HOOK3: variants seen among roughly 807,000 people sequenced by gnomAD.
HOOK3 encodes hook microtubule tethering protein 3.
Under a neutral mutation model 116.3 loss-of-function variants are expected in HOOK3, and 24 were observed. The ratio of observed to expected loss-of-function variants is 0.21; its 90% CI spans 0.15 to 0.29. HOOK3 has a LOEUF of 0.29. Among genes scored for constraint, HOOK3 ranks in the 10% least tolerant of loss-of-function variants. HOOK3 has a pLI of 1.00. For missense variants in HOOK3, 632 were observed against 830.2 expected (o/e 0.76, Z 2.93); for synonymous variants, 275 against 283.0 (o/e 0.97, Z 0.28).
intron 19 of HOOK3, among the ~76,000 whole-genome samples, chr8:43,011,115 C>T (rs1020640701): frequency 6.6e-6 from 1 of 152,054 alleles, no homozygotes; most frequent in African/African-American, 2.4e-5. Flanking sequence ...GCCTCAGCCT[C>T]CCGAGTAGCT....
In HOOK3 at chr8:42,938,748, T is replaced by C. The variant is rs555687597; in HGVS notation, c.268-4565T>C. 1.8e-4 allele frequency among the ~76,000 whole-genome samples: 27 copies of C among 151,756 alleles called. No homozygotes were observed. In the South Asian group the frequency reaches 5.6e-3, roughly 32 times the overall value. ...TTTATTTATTTTTATTGATCATTCTTGGGTGTTTCTCGCAGAGGGGGATTT... is the reference window on the plus strand; with the variant it reads ...TTTATTTATTTTTATTGATCATTCTCGGGTGTTTCTCGCAGAGGGGGATTT... On this transcript the variant is annotated intron_variant, in intron 4 of 21. Coordinates refer to ENST00000307602, the MANE Select transcript of HOOK3 (RefSeq NM_032410.4).
At chr8:42,951,983 A>G (rs534572389) in intron 6 of HOOK3, among the ~76,000 whole-genome samples, 126 of 152,190 alleles carry the variant, frequency 8.3e-4, no homozygotes, top group Non-Finnish European at 1.6e-3. Flanking sequence ...AAAATATTCA[A>G]TTAAATGCAA....
intron 5 of HOOK3, among the ~76,000 whole-genome samples, chr8:42,947,624 C>G (rs907535928): frequency 5.3e-5 from 8 of 152,184 alleles, no homozygotes; most frequent in Non-Finnish European, 1.5e-5. Context: ...TTAGGACATC[C>G]TCTGCTCTCA....
At chr8:42,939,042 C>T (rs931437984) in intron 4 of HOOK3, among the ~76,000 whole-genome samples, 7 of 152,172 alleles carry the variant, frequency 4.6e-5, no homozygotes, top group African/African-American at 1.7e-4. Context: ...GGTAAGGTCA[C>T]AGATCAACAG....
In HOOK3 at chr8:43,023,998, T is replaced by C. The variant is rs979112597; in HGVS notation, c.*5500T>C. ...TTTAGTCTCCTATTATCTAGATCTCTGAGTCCAGGATAACTCCAGTTATCC... is the reference window on the plus strand; with the variant it reads ...TTTAGTCTCCTATTATCTAGATCTCCGAGTCCAGGATAACTCCAGTTATCC... On this transcript the variant is annotated 3_prime_UTR_variant, in exon 22 of 22. Transcript: ENST00000307602. 1 of 202,066 alleles carries C rather than the reference T, an allele frequency of 4.9e-6. No individual in the cohort carries two copies. Among genetic ancestry groups the C allele is most frequent in the African/African-American group, 2.3e-5 (1 of 43,692 alleles). The allele number at this position is 202,066 out of a possible 1,614,324, so 12.5% of individuals were successfully genotyped here.
At chr8:42,991,394 CTTT>C (rs564333836) in intron 15 of HOOK3, among the ~76,000 whole-genome samples, 3 of 129,622 alleles carry the variant, frequency 2.3e-5, no homozygotes, top group Admixed American at 1.6e-4. Context: ...TAGTATGGAC[CTTT>C]TTTTTTTTTT....
chr8:43,021,670 C>CT lies in HOOK3; in HGVS notation c.*3186dup, dbSNP rs1165857231. The CT allele has an allele frequency of 9.0e-3, 1,340 of 149,218 alleles. 3 individuals carry two copies. Among genetic ancestry groups the CT allele is most frequent in the East Asian group, 0.035 (262 of 7,382 alleles). 9.2% of individuals were successfully genotyped at this position (149,218 alleles called of 1,614,324 possible). A position where few individuals can be genotyped will look rare whatever the true frequency, so the allele number is the denominator to read the frequency against. On this transcript the variant is annotated 3_prime_UTR_variant, in exon 22 of 22. Transcript: ENST00000307602. ...GATGTTTACATTTATAATTTTCTTT[C>CT]TTTTTTTTTTTTTTGTGAGATGATG...
chr8:42,927,230 C>A (rs956810757), intron 3 of HOOK3, among the ~76,000 whole-genome samples: 2 of 148,416 alleles, frequency 1.3e-5, no homozygotes, highest in East Asian at 3.9e-4. Context: ...GAATGAAAAC[C>A]GTTTAATGGC....
At position 42,944,203 on chromosome 8, in the gene HOOK3, C is replaced by T. The variant is rs539911409; in HGVS notation, c.400+758C>T. ...GCCACGGTGGGCGGATCACTTGAGG[C>T]CAGGAGTTGGAGACCAGCTTGACCA... On this transcript the variant is annotated intron_variant, in intron 5 of 21. Coordinates refer to ENST00000307602, the MANE Select transcript of HOOK3 (RefSeq NM_032410.4). Among the ~76,000 whole-genome samples the T allele has an allele frequency of 9.3e-5, 14 of 150,478 alleles. 1 individual carries two copies. Among genetic ancestry groups the T allele is most frequent in the African/African-American group, 3.4e-4 (14 of 41,004 alleles).
intron 4 of HOOK3, among the ~76,000 whole-genome samples, chr8:42,941,698 C>T (rs1455205622): frequency 6.6e-6 from 1 of 152,076 alleles, no homozygotes; most frequent in African/African-American, 2.4e-5. Flanking sequence ...ATAAAACTCA[C>T]ATCCTTGACA....
Position 43,010,382 on chromosome 8 carries a change from A to G in HOOK3, c.1816A>G (p.Lys606Glu). Residue 606 changes from lysine to glutamate, a missense_variant, in exon 19 of 22, where the codon AAA becomes GAA. Lys to Glu is a moderately conservative substitution (Grantham distance 56, BLOSUM62 1). Transcript: ENST00000307602. ...EMKQMEERYK[K>E]YLEKAKSVIR... is the part of the protein sequence containing the mutation. ...GAAGCAAATGGAAGAACGATACAAA[A>G]AATACTTAGAGAAAGCCAAAAGTGT... 6.8e-7 allele frequency: 1 copy of G among 1,467,672 alleles called. No homozygotes were observed. The highest frequency in any genetic ancestry group is 9.1e-7 in the Non-Finnish European group (1 of 1,098,440). The allele number at this position is 1,467,672 out of a possible 1,614,324, so 90.9% of individuals were successfully genotyped here. A position where few individuals can be genotyped will look rare whatever the true frequency, so the allele number is the denominator to read the frequency against.
At chr8:42,925,667 T>C (rs770165914) in intron 3 of HOOK3, 38 bp downstream of exon 3, 17 of 1,346,840 alleles carry the variant, frequency 1.3e-5, no homozygotes, top group Non-Finnish European at 1.5e-5. Flanking sequence ...TTTAAATATT[T>C]GTATGTGTAT....
At chr8:42,987,019 A>G (rs1469917698) in intron 15 of HOOK3, among the ~76,000 whole-genome samples, 2 of 152,132 alleles carry the variant, frequency 1.3e-5, no homozygotes, top group African/African-American at 4.8e-5. Flanking sequence ...AAAATTAGCC[A>G]GGCATGGTGG....
At chr8:42,982,986 G>A (rs920141240) in intron 14 of HOOK3, among the ~76,000 whole-genome samples, 2 of 152,286 alleles carry the variant, frequency 1.3e-5, no homozygotes, top group African/African-American at 2.4e-5. Context: ...CATTTGGCCT[G>A]TAGACAATAG....
At position 42,939,151 on chromosome 8, in the gene HOOK3, C is replaced by T. The variant is rs189240944; in HGVS notation, c.268-4162C>T. Among the ~76,000 whole-genome samples, 1,112 of 152,364 alleles carry T rather than the reference C, an allele frequency of 7.3e-3. 8 individuals carry two copies. Among genetic ancestry groups the T allele is most frequent in the Non-Finnish European group, 0.011 (742 of 68,032 alleles). On this transcript the variant is annotated intron_variant, in intron 4 of 21. Coordinates refer to ENST00000307602, the MANE Select transcript of HOOK3 (RefSeq NM_032410.4). ...AGACAACGGCAACCATCTGATTTCTCACTCTTTTCCCCACCTTTCCCCCCT... is the reference window on the plus strand; with the variant it reads ...AGACAACGGCAACCATCTGATTTCTTACTCTTTTCCCCACCTTTCCCCCCT...
intron 5 of HOOK3, among the ~76,000 whole-genome samples, chr8:42,945,508 A>G (rs764882427): frequency 6.6e-6 from 1 of 152,106 alleles, no homozygotes; most frequent in Non-Finnish European, 1.5e-5. Flanking sequence ...GCAGGGTTTC[A>G]TCATGTTGGT....
rs112779126 is a variant in HOOK3 at position 42,964,073 on chromosome 8, G to C, written c.616-238G>C. 1.7e-4 allele frequency among the ~76,000 whole-genome samples: 26 copies of C among 152,298 alleles called. 1 individual carries two copies. Among genetic ancestry groups the C allele is most frequent in the African/African-American group, 6.3e-4 (26 of 41,556 alleles). On this transcript the variant is annotated intron_variant, in intron 8 of 21. Transcript: ENST00000307602. The stretch of plus-strand genomic sequence containing the variant: ...ACAGAAAAAATTAGCCAGGCGTGGT[G>C]GTGGGCGCCTGTAGTCCCAGCTACT...
At position 42,982,598 on chromosome 8, in the gene HOOK3, G is replaced by A. The variant is rs756298778; in HGVS notation, c.1322-29G>A. 20 of 1,483,860 alleles carry A rather than the reference G, an allele frequency of 1.3e-5. No homozygotes were observed. In the African/African-American group the frequency reaches 2.8e-4, roughly 21 times the overall value. 91.9% of individuals were successfully genotyped at this position (1,483,860 alleles called of 1,614,324 possible). The stretch of plus-strand genomic sequence containing the variant: ...AGTTGTGTAACTGTGTTTTCCATTA[G>A]CCTTATATTTATGTTTGTATATTTA... On this transcript the variant is annotated intron_variant, in intron 13 of 21. Coordinates refer to ENST00000307602, the MANE Select transcript of HOOK3 (RefSeq NM_032410.4).
chr8:42,990,384 AGGCT>A (rs1809137409), intron 15 of HOOK3, among the ~76,000 whole-genome samples: 1 of 110,498 alleles, frequency 9.0e-6, no homozygotes, highest in Non-Finnish European at 1.7e-5. Context: ...TCCTTCACCC[AGGCT>A]GGAATGCAGT....
Sources: allele counts gnomAD v4.1 joint callset (sites outside exome capture counted in the v4.1 genomes callset), GRCh38; gene constraint gnomAD v4.1.1; transcripts MANE v1.5; gene names NCBI Gene and HGNC (gene_info 2026-07-23, HGNC 2026-07-21).